The following TMTC1 variants were observed in gnomAD, a reference collection of about 807,000 sequenced individuals.
The protein encoded by TMTC1 is protein O-mannosyl-transferase TMTC1.
Under a neutral mutation model 104.8 loss-of-function variants are expected in TMTC1, and 73 were observed. The observed-to-expected ratio is 0.70, with a 90% CI of 0.58 to 0.85. TMTC1 has a LOEUF of 0.85. Among genes scored for constraint, TMTC1 ranks in the 40% least tolerant of loss-of-function variants. The pLI is 0.00. For missense variants in TMTC1, 1,035 were observed against 1,096.1 expected, an observed-to-expected ratio of 0.94 and a Z score of 0.79; for synonymous variants, 434 against 428.7, an observed-to-expected ratio of 1.01 and a Z score of -0.15.
At chr12:29,725,264 T>C (rs1942357359) in intron 5 of TMTC1, among the ~76,000 whole-genome samples, 1 of 151,920 alleles carries the variant, frequency 6.6e-6, no homozygotes. Context: ...TGACCTCATG[T>C]GATCCACCCA....
intron 5 of TMTC1, among the ~76,000 whole-genome samples, chr12:29,717,891 T>A (rs1942129619): frequency 6.6e-6 from 1 of 152,218 alleles, no homozygotes; most frequent in South Asian, 2.1e-4. Context: ...TACTTTGAAC[T>A]TGCATGTGAT....
In TMTC1 at chr12:29,506,870, T is replaced by G. The variant is rs1422335340; in HGVS notation, c.2625A>C (p.Glu875Asp). 2 of 1,614,044 alleles carry G rather than the reference T, an allele frequency of 1.2e-6. No homozygotes were observed. Among genetic ancestry groups the G allele is most frequent in the African/African-American group, 2.7e-5 (2 of 74,944 alleles). Residue 875 changes from glutamate to aspartate, a missense_variant, in exon 18 of 18, where the codon GAA becomes GAC. Glu to Asp is a conservative substitution (Grantham distance 45). Coordinates refer to ENST00000539277, the MANE Select transcript of TMTC1 (RefSeq NM_001193451.2). ...KLDRLEKRLQ[E>D]VREKDQT ...GCTATGTTTGATCCTTTTCTCGAAC[T>G]TCTTGTAATCGTTTTTCTAGGCGAT...
Position 29,740,510 on chromosome 12 carries a change from A to C in TMTC1, c.938+11156T>G, listed in dbSNP as rs141818331. The stretch of plus-strand genomic sequence containing the variant: ...CAAGCTCTTCAGTCTGGGGACTCCA[A>C]CTGGCACTCCTTGCTCCTCAGCTTG... On this transcript the variant is annotated intron_variant, in intron 5 of 17. Transcript: ENST00000539277. 9.5e-3 allele frequency among the ~76,000 whole-genome samples: 1,442 copies of C among 152,256 alleles called. 28 individuals carry two copies. The highest frequency in any genetic ancestry group is 0.033 in the African/African-American group (1,351 of 41,534).
chr12:29,582,780 G>A (rs1231403524), intron 8 of TMTC1, among the ~76,000 whole-genome samples: 2 of 152,172 alleles, frequency 1.3e-5, no homozygotes, highest in Non-Finnish European at 1.5e-5. Context: ...CATAAGTGAG[G>A]ACAGAAGCTT....
intron 9 of TMTC1, among the ~76,000 whole-genome samples, chr12:29,568,148 G>T (rs948810196): frequency 2.6e-5 from 4 of 152,274 alleles, no homozygotes; most frequent in Middle Eastern, 6.8e-3. Context: ...TAATCAGAAA[G>T]ATTTTAGTTC....
chr12:29,555,238 A>G lies in TMTC1; in HGVS notation c.1676+1619T>C, dbSNP rs188672317. The stretch of plus-strand genomic sequence containing the variant: ...CTGCAACCTCTGCATCTCAGGCCCA[A>G]GTGATTCTTGTGCCTCAGCCTCCAA... On this transcript the variant is annotated intron_variant, in intron 10 of 17. Transcript: ENST00000539277. Among the ~76,000 whole-genome samples the G allele has an allele frequency of 1.5e-3, 209 of 143,772 alleles. 1 individual carries two copies. Among genetic ancestry groups the G allele is most frequent in the African/African-American group, 5.0e-3 (198 of 39,218 alleles). The allele number at this position is 143,772 out of a possible 152,430, so 94.3% of individuals were successfully genotyped here. A position where few individuals can be genotyped will look rare whatever the true frequency, so the allele number is the denominator to read the frequency against.
At chr12:29,507,631 A>C (rs886141081) in intron 17 of TMTC1, among the ~76,000 whole-genome samples, 1 of 152,216 alleles carries the variant, frequency 6.6e-6, no homozygotes, top group African/African-American at 2.4e-5. Context: ...CCTACTAAAC[A>C]CAACTGTCCC....
chr12:29,508,434 C>G (rs1378527725), intron 17 of TMTC1, among the ~76,000 whole-genome samples: 2 of 152,162 alleles, frequency 1.3e-5, no homozygotes, highest in Non-Finnish European at 2.9e-5. Flanking sequence ...ACTGCAATTG[C>G]TTTTGAAATG....
chr12:29,756,916 G>A (rs1306296258), intron 3 of TMTC1, among the ~76,000 whole-genome samples: 1 of 152,072 alleles, frequency 6.6e-6, no homozygotes, highest in African/African-American at 2.4e-5. Context: ...GTAATAACAT[G>A]GCTCATTATC....
intron 9 of TMTC1, among the ~76,000 whole-genome samples, chr12:29,561,595 C>A (rs1490547253): frequency 6.6e-6 from 1 of 152,176 alleles, no homozygotes; most frequent in Non-Finnish European, 1.5e-5. Context: ...CAGCTTTAAC[C>A]TCAACTAAAG....
rs540452169 is a variant in TMTC1 at position 29,692,386 on chromosome 12, T to G, written c.939-59050A>C. Among the ~76,000 whole-genome samples, 4 of 133,554 alleles carry G rather than the reference T, an allele frequency of 3.0e-5. 1 individual carries two copies. Among genetic ancestry groups the G allele is most frequent in the Non-Finnish European group, 6.0e-5 (4 of 66,146 alleles). The allele number at this position is 133,554 out of a possible 152,430, so 87.6% of individuals were successfully genotyped here. ...GTGCTCTGAGGGCCAACGAAATGAA[T>G]TAAGTTCACCTGAAAGCTTCAAAGG... On this transcript the variant is annotated intron_variant, in intron 5 of 17. Coordinates refer to ENST00000539277, the MANE Select transcript of TMTC1 (RefSeq NM_001193451.2).
chr12:29,570,798 C>A (rs1013616521), intron 9 of TMTC1, among the ~76,000 whole-genome samples: 3 of 150,370 alleles, frequency 2.0e-5, no homozygotes, highest in African/African-American at 2.4e-5. Context: ...GAACCAAGAT[C>A]GTGCCACTGC....
At chr12:29,570,891 C>CCCCA (rs1555170713) in intron 9 of TMTC1, among the ~76,000 whole-genome samples, 17 of 147,908 alleles carry the variant, frequency 1.1e-4, no homozygotes, top group African/African-American at 4.3e-4. Context: ...ACCCCCCCCC[C>CCCCA]CCGCCAAAAC....
intron 8 of TMTC1, among the ~76,000 whole-genome samples, chr12:29,581,486 T>C (rs1279412769): frequency 1.3e-5 from 2 of 152,220 alleles, no homozygotes; most frequent in Non-Finnish European, 2.9e-5. Context: ...TAGAAATCAA[T>C]TGATGTGAAG....
At chr12:29,781,674 T>C (rs1032517910) in intron 1 of TMTC1, among the ~76,000 whole-genome samples, 1 of 151,988 alleles carries the variant, frequency 6.6e-6, no homozygotes, top group South Asian at 2.1e-4. Context: ...AAAAAAATTT[T>C]AAAATATATC....
In TMTC1 at chr12:29,783,498, T is replaced by C; in HGVS notation, c.254A>G (p.Glu85Gly). 7.1e-7 allele frequency: 1 copy of C among 1,407,066 alleles called. No homozygotes were observed. Among genetic ancestry groups the C allele is most frequent in the Non-Finnish European group, 9.3e-7 (1 of 1,075,906 alleles). The allele number at this position is 1,407,066 out of a possible 1,614,324, so 87.2% of individuals were successfully genotyped here. Residue 85 changes from glutamate (E) to glycine (G), a missense_variant, in exon 1 of 18, where the codon GAG (glutamate) becomes GGG (glycine). Physicochemically the swap from Glu to Gly is moderately conservative, Grantham distance 98 (BLOSUM62 -2). Transcript: ENST00000539277. The surrounding 1 kb of genome is among the most constrained non-coding windows in gnomAD (Gnocchi z 4.7). ...TNDFWGKGMA[E>G]NTSHKSYRPL... ...CCGGTAGGACTTGTGGCTGGTGTTC[T>C]CGGCCATGCCCTTGCCCCAGAAGTC...
chr12:29,624,369 G>C (rs960652337), intron 6 of TMTC1, among the ~76,000 whole-genome samples: 11 of 152,260 alleles, frequency 7.2e-5, no homozygotes, highest in African/African-American at 2.6e-4. Context: ...CAGAGGTCAG[G>C]TGGAAGAAGT....
chr12:29,710,622 T>G (rs1051472496), intron 5 of TMTC1, among the ~76,000 whole-genome samples: 23 of 143,482 alleles, frequency 1.6e-4, no homozygotes, highest in Non-Finnish European at 3.2e-4. Context: ...ATATTTATAT[T>G]TATATTTTTA....
intron 11 of TMTC1, among the ~76,000 whole-genome samples, chr12:29,530,882 C>T (rs1244830726): frequency 3.3e-5 from 5 of 152,204 alleles, no homozygotes; most frequent in African/African-American, 1.2e-4. Flanking sequence ...GACTAGAAAG[C>T]TTTTCCTTTC....
Sources: allele counts gnomAD v4.1 joint callset (sites outside exome capture counted in the v4.1 genomes callset), GRCh38; gene constraint gnomAD v4.1.1; non-coding constraint Gnocchi (gnomAD v3.1); transcripts MANE v1.5; gene names NCBI Gene and HGNC (gene_info 2026-07-23, HGNC 2026-07-21).